Variants in DNAH9 observed in about 807,000 individuals in gnomAD.
DNAH9 encodes dynein axonemal heavy chain 9, also known as DNAH9 variant protein.
Under a neutral mutation model 471.6 loss-of-function variants are expected in DNAH9, and 345 were observed. That is an observed-to-expected ratio of 0.73 (90% CI 0.67 to 0.80). DNAH9 has a LOEUF of 0.80. Ranked by LOEUF, DNAH9 falls within the 30% of genes least tolerant of loss-of-function variation. DNAH9 has a pLI of 0.00. For missense variants in DNAH9, 5,407 were observed against 5,609.2 expected (o/e 0.96, Z 1.15); for synonymous variants, 2,093 against 2,123.6 (o/e 0.99, Z 0.40).
chr17:11,619,890 C>G (rs2150656300), intron 6 of DNAH9, 109 bp downstream of exon 6: 1 of 670,616 alleles, frequency 1.5e-6, no homozygotes, highest in Admixed American at 2.5e-5. Flanking sequence ...AGCCAACCCT[C>G]CATCAGCTGG....
chr17:11,886,278 C>T (rs146591121), intron 56 of DNAH9, among the ~76,000 whole-genome samples: 31 of 152,186 alleles, frequency 2.0e-4, no homozygotes, highest in African/African-American at 7.2e-4. Context: ...GAGCCAAGAT[C>T]GTGCCATTGG....
intron 55 of DNAH9, among the ~76,000 whole-genome samples, chr17:11,881,943 G>A (rs1972740331): frequency 6.6e-6 from 1 of 152,018 alleles, no homozygotes; most frequent in Non-Finnish European, 1.5e-5. Context: ...CTTGGAGACT[G>A]GACACTCCTA....
At chr17:11,880,302 T>C in intron 54 of DNAH9, 102 bp downstream of exon 54, 1 of 1,471,788 alleles carries the variant, frequency 6.8e-7, no homozygotes, top group Non-Finnish European at 9.2e-7. Context: ...CTCTCTTCAG[T>C]TCATGTCAAG....
chr17:11,843,158 T>C (rs1971088468), intron 49 of DNAH9, among the ~76,000 whole-genome samples: 1 of 152,180 alleles, frequency 6.6e-6, no homozygotes, highest in Non-Finnish European at 1.5e-5. Flanking sequence ...ACTACTGTAA[T>C]TCAAAAATGT....
chr17:11,883,472 C>G, intron 55 of DNAH9, 114 bp from the exon 56 acceptor site: 1 of 1,334,372 alleles, frequency 7.5e-7, no homozygotes, highest in Non-Finnish European at 1.0e-6. Context: ...CTTTGCCATT[C>G]TGCCTCCACT....
intron 43 of DNAH9, among the ~76,000 whole-genome samples, chr17:11,801,396 A>C (rs1969452917): frequency 6.6e-6 from 1 of 152,210 alleles, no homozygotes; most frequent in African/African-American, 2.4e-5. Context: ...ATGAGGCATT[A>C]AAAGTTCAAC....
At chr17:11,880,284 A>G (rs1435746948) in intron 54 of DNAH9, 84 bp downstream of exon 54, 21 of 1,541,082 alleles carry the variant, frequency 1.4e-5, no homozygotes, top group Non-Finnish European at 1.9e-5. Flanking sequence ...TGCTCTTCCT[A>G]GAATTTCCTC....
chr17:11,689,877 C>G lies in DNAH9; in HGVS notation c.4055C>G (p.Ala1352Gly), dbSNP rs1199717372. The G allele has an allele frequency of 6.2e-7, 1 of 1,608,814 alleles. No homozygotes were observed. The highest frequency in any genetic ancestry group is 1.1e-5 in the South Asian group (1 of 90,496). The change falls in exon 20 of 69, where the codon GCC (alanine) becomes GGC (glycine). Residue 1352 changes from alanine (A) to glycine (G), a missense_variant. Ala to Gly is a moderately conservative substitution (Grantham distance 60, BLOSUM62 0). Around this residue, in one of 3 missense-constraint regions of DNAH9, gnomAD observed 4,636 missense variants for 4,900.3 expected, o/e 0.95. Transcript: ENST00000262442. ...CGAAACCTGGACAAGGAGGTCAGGG[C>G]CTGGGATGCATTCACAGGCCTGGAA... ...HIRNLDKEVR[A>G]WDAFTGLEST...
rs1321922424 is a variant in DNAH9 at position 11,623,926 on chromosome 17, T to C, written c.1350+4145T>C. ...TTCACTCTTTTTGCACAAGAGAATT[T>C]TGTTGTGCACATCCACTCTTCCTCT... On this transcript the variant is annotated intron_variant, in intron 6 of 68. Transcript: ENST00000262442. This position sits in a 1 kb window ranked among gnomAD's most constrained non-coding sequence, Gnocchi z 4.1. 6.6e-6 allele frequency among the ~76,000 whole-genome samples: 1 copy of C among 152,134 alleles called. No individual in the cohort carries two copies. Among genetic ancestry groups the C allele is most frequent in the Non-Finnish European group, 1.5e-5 (1 of 68,026 alleles).
chr17:11,872,336 G>A (rs891962102), intron 52 of DNAH9, among the ~76,000 whole-genome samples: 3 of 151,730 alleles, frequency 2.0e-5, no homozygotes, highest in Non-Finnish European at 4.4e-5. Flanking sequence ...CTAGGTGGAT[G>A]TTACTCCCAA....
intron 50 of DNAH9, among the ~76,000 whole-genome samples, chr17:11,855,490 G>A (rs920582911): frequency 4.6e-5 from 7 of 152,142 alleles, no homozygotes; most frequent in Admixed American, 3.9e-4. Context: ...ACAAAGATCA[G>A]CAATGAAGCT....
intron 54 of DNAH9, among the ~76,000 whole-genome samples, chr17:11,880,811 T>C (rs367576708): frequency 5.3e-5 from 8 of 152,282 alleles, no homozygotes; most frequent in East Asian, 1.9e-4. Context: ...TTTTCACCCA[T>C]AGATGTCATT....
At chr17:11,781,546 AAC>A (rs1316015449) in intron 39 of DNAH9, among the ~76,000 whole-genome samples, 2 of 152,158 alleles carry the variant, frequency 1.3e-5, no homozygotes, top group Non-Finnish European at 2.9e-5. Context: ...GATAACACCT[AAC>A]ACACGCCAGG....
chr17:11,648,928 C>T (rs191528155), intron 12 of DNAH9, among the ~76,000 whole-genome samples: 85 of 152,134 alleles, frequency 5.6e-4, no homozygotes, highest in African/African-American at 2.0e-3. Flanking sequence ...GAGTTCAAGA[C>T]GAGCCTGACT....
intron 61 of DNAH9, among the ~76,000 whole-genome samples, chr17:11,919,337 T>A (rs202050574): frequency 2.9e-4 from 43 of 147,230 alleles, no homozygotes; most frequent in Admixed American, 4.1e-4. Context: ...CTACTAAAAA[T>A]ACAAAAAATT....
intron 43 of DNAH9, among the ~76,000 whole-genome samples, chr17:11,800,013 A>G (rs532501635): frequency 3.3e-5 from 5 of 152,316 alleles, no homozygotes; most frequent in Non-Finnish European, 7.4e-5. Flanking sequence ...CAACATTGCT[A>G]GAAATTGTCC....
intron 65 of DNAH9, among the ~76,000 whole-genome samples, chr17:11,935,517 A>T (rs1475103695): frequency 1.3e-5 from 2 of 151,748 alleles, no homozygotes; most frequent in Non-Finnish European, 2.9e-5. Flanking sequence ...CTGGGATTAC[A>T]GGCGTGCGTC....
intron 48 of DNAH9, among the ~76,000 whole-genome samples, chr17:11,827,798 G>A (rs1034325507): frequency 6.6e-6 from 1 of 151,818 alleles, no homozygotes; most frequent in East Asian, 1.9e-4. Context: ...CGATTCTCCT[G>A]CCTCAGCCTC....
chr17:11,629,539 G>T lies in DNAH9; in HGVS notation c.1473G>T (p.Arg491Ser). ...QMHEEFQEMY[R>S]LLSGSSSDCL... ...ATGAAGAATTTCAAGAGATGTACAG[G>T]CTTCTCTCAGGATCCTCCTCCGACT... Residue 491 changes from arginine to serine, a missense_variant, in exon 7 of 69, where the codon AGG (arginine) becomes AGT (serine). By Grantham distance (110) the Arg-to-Ser change is moderately radical. Transcript: ENST00000262442. The T allele has an allele frequency of 6.2e-7, 1 of 1,614,142 alleles. No homozygotes were observed. The highest frequency in any genetic ancestry group is 8.5e-7 in the Non-Finnish European group (1 of 1,180,024).
Sources: gnomAD v4.1 joint callset for allele counts (sites outside exome capture counted in the v4.1 genomes callset) on GRCh38, gnomAD v4.1.1 for gene constraint, gnomAD v4.1.1 regional missense constraint, Gnocchi (gnomAD v3.1) non-coding constraint, MANE v1.5 for transcripts, NCBI Gene and HGNC (gene_info 2026-07-23, HGNC 2026-07-21) for gene names.